Variants in CFAP44 observed in about 807,000 individuals in gnomAD.
The protein encoded by CFAP44 is cilia- and flagella-associated protein 44.
In CFAP44, 134 loss-of-function variants were observed where a neutral mutation model predicts 216.2. That is an observed-to-expected ratio of 0.62 (90% CI 0.54 to 0.72). The LOEUF is 0.72. Ranked by LOEUF, CFAP44 falls within the 30% of genes least tolerant of loss-of-function variation. CFAP44 has a pLI of 0.00. For synonymous variants in CFAP44, 700 were observed against 727.6 expected, an observed-to-expected ratio of 0.96 and a Z score of 0.61; for missense variants, 2,035 against 2,182.1, an observed-to-expected ratio of 0.93 and a Z score of 1.34.
At chr3:113,412,968 GAATT>G (rs1934532279) in intron 6 of CFAP44, among the ~76,000 whole-genome samples, 1 of 152,170 alleles carries the variant, frequency 6.6e-6, no homozygotes, top group African/African-American at 2.4e-5. Context: ...AACAATGGTT[GAATT>G]AATTTACATT....
chr3:113,339,913 C>A (rs746629391), intron 24 of CFAP44, among the ~76,000 whole-genome samples: 1 of 152,226 alleles, frequency 6.6e-6, no homozygotes, highest in Admixed American at 6.5e-5. Flanking sequence ...GGAAGAACCC[C>A]TTGCTTAGTG....
chr3:113,433,719 A>G, intron 1 of CFAP44, 50 bp from the exon 2 acceptor site: 1 of 1,359,252 alleles, frequency 7.4e-7, no homozygotes, highest in African/African-American at 1.4e-5. Context: ...TAAAATTGAA[A>G]CTAACAGATT....
At chr3:113,441,512 C>T, upstream of CFAP44, 2 of 985,482 alleles carry the variant, frequency 2.0e-6, no homozygotes, top group Non-Finnish European at 2.4e-6. Flanking sequence ...CCTCCGTTTA[C>T]TCCGGTTACC....
At position 113,366,228 on chromosome 3, in the gene CFAP44, C is replaced by T. The variant is rs1005965640; in HGVS notation, c.2526G>A (p.Leu842=). 1 of 1,613,952 alleles carries T rather than the reference C, an allele frequency of 6.2e-7. No homozygotes were observed. The highest frequency in any genetic ancestry group is 8.5e-7 in the Non-Finnish European group (1 of 1,179,950). Reference sequence around the variant, plus strand: ...AGTGCCAGTAGTCCACCAAACTGGTCAATGAAGGATCATTTTGATTTAGGA... The same window carrying T: ...AGTGCCAGTAGTCCACCAAACTGGTTAATGAAGGATCATTTTGATTTAGGA... ...VYVLNQNDPS[L]TSLVDYWHFN... The change falls in exon 19 of 35, where the codon TTG becomes TTA. Residue 842 remains leucine, a synonymous_variant. Coordinates refer to ENST00000393845, the MANE Select transcript of CFAP44 (RefSeq NM_001164496.2).
intron 15 of CFAP44, among the ~76,000 whole-genome samples, chr3:113,386,626 G>A (rs1477582281): frequency 2.6e-5 from 4 of 152,220 alleles, no homozygotes; most frequent in Non-Finnish European, 5.9e-5. Context: ...GCTAGAATAG[G>A]GAGGAGGCAG....
chr3:113,353,214 C>G (rs1418294891), intron 22 of CFAP44, among the ~76,000 whole-genome samples: 1 of 151,934 alleles, frequency 6.6e-6, no homozygotes, highest in African/African-American at 2.4e-5. Context: ...CCTGGTCTCA[C>G]AAAACGTTGC....
At chr3:113,387,281 T>C (rs1265870710) in intron 15 of CFAP44, among the ~76,000 whole-genome samples, 1 of 152,066 alleles carries the variant, frequency 6.6e-6, no homozygotes, top group Non-Finnish European at 1.5e-5. Context: ...GGGAGATAAT[T>C]CTCCCATCTG....
rs1949812834 is a variant in CFAP44, at chr3:113,289,906, C to G, written c.*1651G>C. ...AAGGGAGTGAATTTGCTAATAGCCC[C>G]TCCAGCTCCAGCCAAGCTTCAGATG... On this transcript the variant is annotated 3_prime_UTR_variant, in exon 35 of 35. Transcript: ENST00000393845. The G allele has an allele frequency of 6.6e-6, 1 of 152,296 alleles. No homozygotes were observed. The highest frequency in any genetic ancestry group is 1.5e-5 in the Non-Finnish European group (1 of 68,126). The allele number at this position is 152,296 out of a possible 1,614,324, so 9.4% of individuals were successfully genotyped here.
At chr3:113,368,362 G>C (rs1933033605) in intron 18 of CFAP44, among the ~76,000 whole-genome samples, 3 of 152,162 alleles carry the variant, frequency 2.0e-5, no homozygotes, top group African/African-American at 4.8e-5. Flanking sequence ...TACCCACAAA[G>C]GGAAGACCGT....
At chr3:113,312,032 GTTAAAGGCAT>G (rs1311623324) in intron 28 of CFAP44, among the ~76,000 whole-genome samples, 1 of 150,060 alleles carries the variant, frequency 6.7e-6, no homozygotes, top group Non-Finnish European at 1.5e-5. Flanking sequence ...CTTGGATACT[GTTAAAGGCAT>G]TCAGTTTTGT....
chr3:113,441,353 G>A, intron 1 of CFAP44, 100 bp downstream of exon 1: 1 of 978,628 alleles, frequency 1.0e-6, no homozygotes, highest in Non-Finnish European at 1.2e-6. Flanking sequence ...TATAACACTG[G>A]TCCAGCCTGA....
At chr3:113,378,046 T>C (rs548797550) in intron 17 of CFAP44, among the ~76,000 whole-genome samples, 1 of 152,294 alleles carries the variant, frequency 6.6e-6, no homozygotes, top group Non-Finnish European at 1.5e-5. Context: ...GTTTGTGTTT[T>C]GTTGTTGTTG....
chr3:113,371,315 C>T (rs907024765), intron 18 of CFAP44, among the ~76,000 whole-genome samples: 2 of 152,172 alleles, frequency 1.3e-5, no homozygotes, highest in Admixed American at 1.3e-4. Flanking sequence ...CATCACATTA[C>T]CTGACTTCAA....
intron 6 of CFAP44, among the ~76,000 whole-genome samples, chr3:113,411,702 G>A (rs973652937): frequency 2.0e-5 from 3 of 152,150 alleles, no homozygotes; most frequent in African/African-American, 7.2e-5. Context: ...GCTTGATGGG[G>A]ATGGCATTGA....
chr3:113,415,259 C>G (rs1934613434), intron 6 of CFAP44, among the ~76,000 whole-genome samples: 2 of 151,878 alleles, frequency 1.3e-5, no homozygotes, highest in South Asian at 4.2e-4. Flanking sequence ...CTTCCTTCTT[C>G]CTTATTAGTC....
At chr3:113,294,014 C>CTTAG in intron 34 of CFAP44, 1 of 456,406 alleles carries the variant, frequency 2.2e-6, no homozygotes, top group South Asian at 1.5e-5. Context: ...TGTTGGAACA[C>CTTAG]TTAGCTTAGA....
intron 22 of CFAP44, among the ~76,000 whole-genome samples, chr3:113,358,117 A>G (rs1036166652): frequency 6.6e-6 from 1 of 152,214 alleles, no homozygotes; most frequent in East Asian, 1.9e-4. Flanking sequence ...CTCTATTTAT[A>G]TGGAATTCAC....
At chr3:113,338,255 CAAAAAAAAAAAA>C (rs10574877) in intron 24 of CFAP44, among the ~76,000 whole-genome samples, 13 of 43,020 alleles carry the variant, frequency 3.0e-4, no homozygotes, top group African/African-American at 1.0e-3. Flanking sequence ...GACAATGTCT[CAAAAAAAAAAAA>C]AAAAAAAAAA....
At chr3:113,388,574 C>G in intron 15 of CFAP44, among the ~76,000 whole-genome samples, 1 of 152,116 alleles carries the variant, frequency 6.6e-6, no homozygotes, top group Non-Finnish European at 1.5e-5. Flanking sequence ...ATGGACTAAA[C>G]TCTCTAAACA....
Sources: gnomAD v4.1 joint callset for allele counts (sites outside exome capture counted in the v4.1 genomes callset) on GRCh38, gnomAD v4.1.1 for gene constraint, MANE v1.5 for transcripts, NCBI Gene and HGNC (gene_info 2026-07-23, HGNC 2026-07-21) for gene names.